N4BP2: variants seen among roughly 807,000 people sequenced by gnomAD.
The protein encoded by N4BP2 is NEDD4-binding protein 2.
Under a neutral mutation model 152.8 loss-of-function variants are expected in N4BP2, and 91 were observed. The observed-to-expected ratio is 0.60, with a 90% CI of 0.50 to 0.71. N4BP2 has a LOEUF of 0.71. Ranked by LOEUF, N4BP2 falls within the 30% of genes least tolerant of loss-of-function variation. N4BP2 has a pLI of 0.00. For missense variants in N4BP2, 1,923 were observed against 2,059.1 expected, an observed-to-expected ratio of 0.93 and a Z score of 1.28; for synonymous variants, 646 against 705.3, an observed-to-expected ratio of 0.92 and a Z score of 1.33.
chr4:40,081,216 A>G (rs1444914125), intron 2 of N4BP2, among the ~76,000 whole-genome samples: 3 of 152,194 alleles, frequency 2.0e-5, no homozygotes, highest in African/African-American at 7.2e-5. Context: ...TAAAAAATAT[A>G]TTAAAAAAAT....
chr4:40,065,601 GA>G (rs1733981674), intron 1 of N4BP2, among the ~76,000 whole-genome samples: 1 of 152,096 alleles, frequency 6.6e-6, no homozygotes, highest in African/African-American at 2.4e-5. Context: ...GGAGTCAACA[GA>G]AAAAAGTTGA....
At chr4:40,149,302 C>A (rs972763198) in intron 16 of N4BP2, among the ~76,000 whole-genome samples, 10 of 152,196 alleles carry the variant, frequency 6.6e-5, no homozygotes, top group African/African-American at 2.4e-4. Flanking sequence ...AAACATTATT[C>A]TTTGTGAAAG....
intron 2 of N4BP2, among the ~76,000 whole-genome samples, chr4:40,092,459 T>C (rs2109942534): frequency 6.6e-6 from 1 of 152,134 alleles, no homozygotes; most frequent in South Asian, 2.1e-4. Context: ...CCTTTTGATA[T>C]CTGCAAGGTC....
At chr4:40,117,229 T>A (rs1579064164) in intron 7 of N4BP2, among the ~76,000 whole-genome samples, 1 of 152,250 alleles carries the variant, frequency 6.6e-6, no homozygotes, top group Non-Finnish European at 1.5e-5. Context: ...CTTTTGGCTC[T>A]GGCTCCTATG....
At chr4:40,173,443 A>G in the N4BP2 span, among the ~76,000 whole-genome samples, 1 of 152,154 alleles carries the variant, frequency 6.6e-6, no homozygotes, top group Non-Finnish European at 1.5e-5. Context: ...AGAAAATAGG[A>G]TACTCATTGC....
the N4BP2 span, among the ~76,000 whole-genome samples, chr4:40,175,966 T>A: frequency 6.6e-6 from 1 of 151,588 alleles, no homozygotes; most frequent in Non-Finnish European, 1.5e-5. Flanking sequence ...GGCGGGCGCC[T>A]GTAGTCCCAG....
the N4BP2 span, among the ~76,000 whole-genome samples, chr4:40,170,148 T>A: frequency 6.6e-6 from 1 of 152,146 alleles, no homozygotes; most frequent in African/African-American, 2.4e-5. Context: ...ATTGTGTCTA[T>A]AATTTTCATG....
At chr4:40,141,558 T>G (rs528249802) in intron 14 of N4BP2, among the ~76,000 whole-genome samples, 249 of 144,010 alleles carry the variant, frequency 1.7e-3, no homozygotes, top group Middle Eastern at 3.8e-3. Context: ...TCCTCACTTC[T>G]TAGATGGGAT....
At chr4:40,091,905 C>T (rs1360018970) in intron 2 of N4BP2, among the ~76,000 whole-genome samples, 10 of 141,816 alleles carry the variant, frequency 7.1e-5, no homozygotes, top group Admixed American at 1.5e-4. Flanking sequence ...TACTATGCCC[C>T]GCCAAAATTC....
chr4:40,110,160 A>T (rs376737148), intron 5 of N4BP2, among the ~76,000 whole-genome samples: 259 of 152,274 alleles, frequency 1.7e-3, no homozygotes, highest in African/African-American at 5.8e-3. Context: ...TCATTCCTTT[A>T]TATGGATGAG....
chr4:40,134,728 G>A (rs1190467850), intron 13 of N4BP2, among the ~76,000 whole-genome samples: 1 of 152,122 alleles, frequency 6.6e-6, no homozygotes, highest in Non-Finnish European at 1.5e-5. Context: ...GATGAGAGGG[G>A]AAGTGGAACT....
At chr4:40,114,686 C>T (rs1717194101) in intron 7 of N4BP2, among the ~76,000 whole-genome samples, 1 of 152,140 alleles carries the variant, frequency 6.6e-6, no homozygotes, top group African/African-American at 2.4e-5. Flanking sequence ...TCTTGCCTGA[C>T]AGGGATATCA....
intron 2 of N4BP2, among the ~76,000 whole-genome samples, chr4:40,096,060 G>A (rs903579198): frequency 6.6e-6 from 1 of 152,098 alleles, no homozygotes; most frequent in Non-Finnish European, 1.5e-5. Context: ...TAGACATTTA[G>A]TTTTGGATAT....
chr4:40,114,895 T>C (rs934295223), intron 7 of N4BP2, among the ~76,000 whole-genome samples: 2 of 152,198 alleles, frequency 1.3e-5, no homozygotes, highest in Non-Finnish European at 2.9e-5. Flanking sequence ...TATAGTAGTC[T>C]CTTACTATTT....
intron 1 of N4BP2, among the ~76,000 whole-genome samples, chr4:40,072,268 A>G (rs1407998096): frequency 1.9e-5 from 2 of 106,598 alleles, no homozygotes; most frequent in African/African-American, 7.5e-5. Flanking sequence ...TTTTTTTGAT[A>G]TGGAGTCTCA....
At chr4:40,085,419 G>A (rs1713844425) in intron 2 of N4BP2, among the ~76,000 whole-genome samples, 1 of 152,212 alleles carries the variant, frequency 6.6e-6, no homozygotes, top group South Asian at 2.1e-4. Flanking sequence ...GTTGCTGGCT[G>A]AAGATGTAAA....
chr4:40,105,725 A>AT (rs768630811), intron 4 of N4BP2, among the ~76,000 whole-genome samples: 34 of 151,786 alleles, frequency 2.2e-4, no homozygotes, highest in Non-Finnish European at 4.7e-4. Context: ...TCATTTTTAA[A>AT]TTTTTTGTAG....
intron 1 of N4BP2, among the ~76,000 whole-genome samples, chr4:40,063,747 G>A (rs1178114033): frequency 1.3e-5 from 2 of 151,914 alleles, no homozygotes; most frequent in African/African-American, 2.4e-5. Context: ...GTGTTCAAGC[G>A]ATTCTCCTGT....
chr4:40,138,088 G>C (rs541039140), intron 14 of N4BP2, among the ~76,000 whole-genome samples: 1 of 152,168 alleles, frequency 6.6e-6, no homozygotes, highest in Non-Finnish European at 1.5e-5. Context: ...TGTCATGAAG[G>C]CTGCAAAAAT....
Sources: gnomAD v4.1 joint callset for allele counts (sites outside exome capture counted in the v4.1 genomes callset) on GRCh38, gnomAD v4.1.1 for gene constraint, MANE v1.5 for transcripts, NCBI Gene and HGNC (gene_info 2026-07-23, HGNC 2026-07-21) for gene names.